The following CCSER1 variants were observed in gnomAD, a reference collection of about 807,000 sequenced individuals.
The protein encoded by CCSER1 is coiled-coil serine rich protein 1.
A neutral mutation model predicts 82.0 loss-of-function variants in CCSER1; 41 were observed. The ratio of observed to expected loss-of-function variants is 0.50; its 90% CI spans 0.39 to 0.65. CCSER1 has a LOEUF of 0.65. Among genes scored for constraint, CCSER1 ranks in the 30% least tolerant of loss-of-function variants. CCSER1 has a pLI of 0.00. For missense variants in CCSER1, 1,119 were observed against 1,064.2 expected, an observed-to-expected ratio of 1.05 and a Z score of -0.72; for synonymous variants, 414 against 383.9, an observed-to-expected ratio of 1.08 and a Z score of -0.92.
chr4:90,949,912 A>G (rs1344984597), intron 9 of CCSER1, among the ~76,000 whole-genome samples: 1 of 152,152 alleles, frequency 6.6e-6, no homozygotes, highest in Non-Finnish European at 1.5e-5. Flanking sequence ...GAGGCCTAAA[A>G]AGGATAAAAA....
chr4:90,192,123 C>T lies in CCSER1; in HGVS notation c.-42+64292C>T, dbSNP rs1348867987. Among the ~76,000 whole-genome samples the T allele has an allele frequency of 2.0e-5, 3 of 152,132 alleles. No individual in the cohort carries two copies. The South Asian group carries it at 6.2e-4, about 31-fold the overall frequency. On this transcript the variant is annotated intron_variant, in intron 1 of 10. Coordinates refer to ENST00000509176, the MANE Select transcript of CCSER1 (RefSeq NM_001145065.2). The stretch of plus-strand genomic sequence containing the variant: ...AGGTTTAATTGGACTTATGGTTCCA[C>T]GTGGCTGGGGAAGCCTCAGAATCAT...
chr4:91,029,864 C>T (rs1431049060), intron 9 of CCSER1, among the ~76,000 whole-genome samples: 1 of 152,000 alleles, frequency 6.6e-6, no homozygotes, highest in Non-Finnish European at 1.5e-5. Context: ...GTTTGTTTTA[C>T]CACACTGCAA....
chr4:90,163,564 T>C (rs1371755680), intron 1 of CCSER1, among the ~76,000 whole-genome samples: 1 of 152,186 alleles, frequency 6.6e-6, no homozygotes, highest in Non-Finnish European at 1.5e-5. Flanking sequence ...TGATTCACTA[T>C]TTGATTTGTG....
At chr4:90,946,767 C>T (rs957976663) in intron 9 of CCSER1, among the ~76,000 whole-genome samples, 1 of 152,134 alleles carries the variant, frequency 6.6e-6, no homozygotes, top group African/African-American at 2.4e-5. Context: ...ATTTTAACAC[C>T]CTTTACCACT....
intron 10 of CCSER1, among the ~76,000 whole-genome samples, chr4:91,353,844 T>C (rs1748644800): frequency 6.6e-6 from 1 of 152,208 alleles, no homozygotes; most frequent in Non-Finnish European, 1.5e-5. Flanking sequence ...TAAATCCTCC[T>C]ATTGCTGGGA....
chr4:90,293,812 C>G (rs1233752230), intron 1 of CCSER1, among the ~76,000 whole-genome samples: 1 of 151,712 alleles, frequency 6.6e-6, no homozygotes, highest in African/African-American at 2.4e-5. Flanking sequence ...TATAAACTGA[C>G]AAACTAGCTT....
intron 10 of CCSER1, among the ~76,000 whole-genome samples, chr4:91,582,920 T>A (rs913401319): frequency 2.0e-5 from 3 of 151,414 alleles, no homozygotes; most frequent in Non-Finnish European, 4.4e-5. Flanking sequence ...CATAAGGTAA[T>A]TTTTACTTAT....
At chr4:91,393,145 T>C (rs920886755) in intron 10 of CCSER1, among the ~76,000 whole-genome samples, 1 of 152,096 alleles carries the variant, frequency 6.6e-6, no homozygotes, top group East Asian at 1.9e-4. Flanking sequence ...CAGATCCACA[T>C]TAAAGGAAAC....
chr4:90,993,376 G>A (rs1226041563), intron 9 of CCSER1, among the ~76,000 whole-genome samples: 3 of 151,722 alleles, frequency 2.0e-5, no homozygotes, highest in Non-Finnish European at 2.9e-5. Context: ...GCTTCCAGAT[G>A]ATTTAATTTG....
Position 91,078,811 on chromosome 4 carries a change from A to T in CCSER1, c.2173-7139A>T, listed in dbSNP as rs147613696. Among the ~76,000 whole-genome samples the T allele has an allele frequency of 7.8e-3, 1,184 of 152,360 alleles. 15 individuals are homozygous for T. Among genetic ancestry groups the T allele is most frequent in the African/African-American group, 0.026 (1,062 of 41,586 alleles). On this transcript the variant is annotated intron_variant, in intron 9 of 10. Transcript: ENST00000509176. ...ACAAGCTTCAATAGCAGATTTAATCAAATGGAAGAAAGGGTATCAGTGATT... is the reference window on the plus strand; with the variant it reads ...ACAAGCTTCAATAGCAGATTTAATCTAATGGAAGAAAGGGTATCAGTGATT...
At chr4:90,517,787 G>A (rs183171513) in intron 5 of CCSER1, among the ~76,000 whole-genome samples, 36 of 152,190 alleles carry the variant, frequency 2.4e-4, no homozygotes, top group East Asian at 1.5e-3. Context: ...GACTAAGCTC[G>A]CACTTGTGTT....
intron 9 of CCSER1, among the ~76,000 whole-genome samples, chr4:91,084,805 T>G (rs957522240): frequency 6.6e-6 from 1 of 152,098 alleles, no homozygotes; most frequent in Non-Finnish European, 1.5e-5. Context: ...AGCTACTGTT[T>G]AAAATAAAAT....
intron 6 of CCSER1, among the ~76,000 whole-genome samples, chr4:90,700,949 T>C (rs1023207729): frequency 1.3e-5 from 2 of 152,190 alleles, no homozygotes; most frequent in Admixed American, 6.5e-5. Context: ...TTCACTCTGA[T>C]GGTAGTTTCT....
At chr4:90,871,492 T>C (rs1312786103) in intron 8 of CCSER1, among the ~76,000 whole-genome samples, 5 of 151,916 alleles carry the variant, frequency 3.3e-5, no homozygotes, top group Admixed American at 2.0e-4. Flanking sequence ...CCTCTTGTTA[T>C]TGATTTTCAG....
At chr4:91,447,313 A>G (rs1390472029) in intron 10 of CCSER1, among the ~76,000 whole-genome samples, 3 of 152,038 alleles carry the variant, frequency 2.0e-5, no homozygotes, top group Non-Finnish European at 4.4e-5. Flanking sequence ...GTCAATGACT[A>G]GTGCTCCTTG....
chr4:90,825,658 G>C (rs2149802488), intron 8 of CCSER1, among the ~76,000 whole-genome samples: 1 of 151,440 alleles, frequency 6.6e-6, no homozygotes, highest in South Asian at 2.1e-4. Context: ...CTCATATAAA[G>C]ATTTACAAAA....
chr4:90,336,962 G>T (rs989196964), intron 3 of CCSER1, among the ~76,000 whole-genome samples: 2 of 152,116 alleles, frequency 1.3e-5, no homozygotes, highest in Non-Finnish European at 2.9e-5. Flanking sequence ...ATCACAAATG[G>T]TTTATTTACA....
Position 91,297,389 on chromosome 4 carries a change from G to A in CCSER1, c.2217+211395G>A, listed in dbSNP as rs1439385680. On this transcript the variant is annotated intron_variant, in intron 10 of 10. Transcript: ENST00000509176. Reference sequence around the variant, plus strand: ...CTTGTGTGTGTGTGTGTGTGTATGTGTGTGTGTGTGTGTGTGTGTGTGTGT... The same window carrying A: ...CTTGTGTGTGTGTGTGTGTGTATGTATGTGTGTGTGTGTGTGTGTGTGTGT... Among the ~76,000 whole-genome samples the A allele has an allele frequency of 3.2e-3, 284 of 89,804 alleles. 2 individuals are homozygous for A. Among genetic ancestry groups the A allele is most frequent in the African/African-American group, 0.012 (254 of 21,292 alleles). The allele number at this position is 89,804 out of a possible 152,430, so 58.9% of individuals were successfully genotyped here. A position where few individuals can be genotyped will look rare whatever the true frequency, so the allele number is the denominator to read the frequency against.
At chr4:90,798,048 G>C (rs1030265677) in intron 7 of CCSER1, among the ~76,000 whole-genome samples, 4 of 152,170 alleles carry the variant, frequency 2.6e-5, no homozygotes, top group African/African-American at 9.6e-5. Flanking sequence ...AGTTCTCATG[G>C]ATAATACTCT....
Sources: allele counts gnomAD v4.1 joint callset (sites outside exome capture counted in the v4.1 genomes callset), GRCh38; gene constraint gnomAD v4.1.1; transcripts MANE v1.5; gene names NCBI Gene and HGNC (gene_info 2026-07-23, HGNC 2026-07-21).